The following WDR75 variants were observed in gnomAD, a reference collection of about 807,000 sequenced individuals.
The protein encoded by WDR75 is WD repeat domain 75, also known as WD repeat-containing protein 75.
A neutral mutation model predicts 106.1 loss-of-function variants in WDR75; 52 were observed. The observed-to-expected ratio is 0.49, with a 90% CI of 0.39 to 0.62. WDR75 has a LOEUF of 0.62. Among genes scored for constraint, WDR75 ranks in the 20% least tolerant of loss-of-function variants. WDR75 has a pLI of 0.00. For synonymous variants in WDR75, 333 were observed against 335.5 expected (o/e 0.99, Z 0.08); for missense variants, 905 against 970.3 (o/e 0.93, Z 0.89).
intron 6 of WDR75, among the ~76,000 whole-genome samples, chr2:189,458,497 G>C (rs979000421): frequency 1.3e-5 from 2 of 152,096 alleles, no homozygotes; most frequent in African/African-American, 2.4e-5. Flanking sequence ...AATGTCAGTG[G>C]CTTCCATAGA....
chr2:189,450,844 T>G lies in WDR75; in HGVS notation c.217-59T>G. On this transcript the variant is annotated intron_variant, in intron 2 of 20. Coordinates refer to ENST00000314761, the MANE Select transcript of WDR75 (RefSeq NM_032168.3). ...CCCTGATCAACATTTAATTATTCAT[T>G]TGATATCTTGATGAATTTCTTTTTT... is the stretch of plus-strand genomic sequence containing the variant. The G allele has an allele frequency of 3.8e-6, 6 of 1,595,988 alleles. No homozygotes were observed. The South Asian group carries it at 6.9e-5, about 18-fold the overall frequency.
At position 189,466,690 on chromosome 2, in the gene WDR75, T is replaced by A. The variant is rs929454482; in HGVS notation, c.1447+108T>A. ...GGAGGACATTTTCTACTTTATTGAA[T>A]TCTACAGGATATTGCTTAATCTTAA... On this transcript the variant is annotated intron_variant, in intron 13 of 20. Transcript: ENST00000314761. 243 of 1,108,278 alleles carry A rather than the reference T, an allele frequency of 2.2e-4. 1 individual carries two copies. The highest frequency in any genetic ancestry group is 1.4e-3 in the South Asian group (79 of 58,020). The allele number at this position is 1,108,278 out of a possible 1,614,324, so 68.7% of individuals were successfully genotyped here.
intron 18 of WDR75, among the ~76,000 whole-genome samples, chr2:189,473,721 T>A (rs1219564429): frequency 6.6e-6 from 1 of 152,196 alleles, no homozygotes; most frequent in Non-Finnish European, 1.5e-5. Context: ...TACCAACTCC[T>A]GAGCATTTGC....
At chr2:189,445,375 T>TGTGGTAAGTTCTGTGATG (rs1337986822) in intron 1 of WDR75, among the ~76,000 whole-genome samples, 2 of 152,180 alleles carry the variant, frequency 1.3e-5, no homozygotes, top group African/African-American at 4.8e-5. Flanking sequence ...CTTAATGCCT[T>TGTGGTAAGTTCTGTGATG]GTGGTAAGTT....
Position 189,467,652 on chromosome 2 carries a change from G to A in WDR75, c.1628+4G>A. 2 of 1,587,290 alleles carry A rather than the reference G, an allele frequency of 1.3e-6. No individual in the cohort carries two copies. Among genetic ancestry groups the A allele is most frequent in the Middle Eastern group, 1.7e-4 (1 of 5,874 alleles). ...GCCAACGAGCTGGGAAAATAAGGTAGGTAAATCTTCGGGAAGTATGTAGTA... is the reference window on the plus strand; with the variant it reads ...GCCAACGAGCTGGGAAAATAAGGTAAGTAAATCTTCGGGAAGTATGTAGTA... On this transcript the variant is annotated splice_donor_region_variant and intron_variant, in intron 14 of 20. Transcript: ENST00000314761.
At chr2:189,454,560 C>T (rs1046096160) in intron 4 of WDR75, among the ~76,000 whole-genome samples, 5 of 151,024 alleles carry the variant, frequency 3.3e-5, no homozygotes, top group African/African-American at 7.3e-5. Context: ...CTTGCTCTGT[C>T]GCCCAGGCTG....
intron 11 of WDR75, 200 bp downstream of exon 11, chr2:189,464,161 T>C: frequency 3.5e-6 from 2 of 572,446 alleles, no homozygotes; most frequent in Middle Eastern, 9.2e-4. Flanking sequence ...TGTAAGCCAG[T>C]TGGCACTCCT....
intron 18 of WDR75, among the ~76,000 whole-genome samples, chr2:189,473,669 T>A (rs887654466): frequency 2.4e-4 from 36 of 152,146 alleles, no homozygotes; most frequent in African/African-American, 8.7e-4. Flanking sequence ...CCGTCTGGTT[T>A]GTCTAGTCCC....
At chr2:189,450,602 CCA>C in intron 2 of WDR75, 1 of 1,156,802 alleles carries the variant, frequency 8.6e-7, no homozygotes, top group Non-Finnish European at 1.1e-6. Flanking sequence ...CAGGTGGCAG[CCA>C]CTGCACCTTG....
intron 18 of WDR75, among the ~76,000 whole-genome samples, chr2:189,473,517 C>A (rs1213088460): frequency 6.6e-6 from 1 of 152,106 alleles, no homozygotes; most frequent in Non-Finnish European, 1.5e-5. Context: ...TCTGAGAACC[C>A]CCTACATGAA....
chr2:189,462,334 A>T (rs997166573), intron 8 of WDR75, 150 bp from the exon 9 acceptor site: 7 of 835,690 alleles, frequency 8.4e-6, no homozygotes, highest in Non-Finnish European at 1.2e-5. Context: ...TTGTCTTCAG[A>T]GTATATTAAA....
rs1380710148 is a variant in WDR75 at position 189,464,150 on chromosome 2, A to G, written c.1113+189A>G. 4 of 589,506 alleles carry G rather than the reference A, an allele frequency of 6.8e-6. No individual in the cohort carries two copies. The Admixed American group carries it at 9.7e-5, about 14-fold the overall frequency. The allele number at this position is 589,506 out of a possible 1,614,324, so 36.5% of individuals were successfully genotyped here. A position where few individuals can be genotyped will look rare whatever the true frequency, so the allele number is the denominator to read the frequency against. Reference sequence around the variant, plus strand: ...CATTGAGGCCACAGTTGCAGGTTACATGTAAGCCAGTTGGCACTCCTGTAC... The same window carrying G: ...CATTGAGGCCACAGTTGCAGGTTACGTGTAAGCCAGTTGGCACTCCTGTAC... On this transcript the variant is annotated intron_variant, in intron 11 of 20. Coordinates refer to ENST00000314761, the MANE Select transcript of WDR75 (RefSeq NM_032168.3).
intron 1 of WDR75, among the ~76,000 whole-genome samples, chr2:189,441,780 G>C (rs1347742581): frequency 5.9e-5 from 9 of 152,148 alleles, no homozygotes; most frequent in Admixed American, 5.9e-4. Flanking sequence ...CCCGATTCCT[G>C]GACAGTTTAC....
chr2:189,470,372 T>G, intron 17 of WDR75, 127 bp downstream of exon 17: 1 of 1,002,692 alleles, frequency 1.0e-6, no homozygotes, highest in Non-Finnish European at 1.5e-6. Context: ...CCCAAAAAAT[T>G]GTCTAATATG....
chr2:189,452,472 G>T (rs1002117710), intron 4 of WDR75, among the ~76,000 whole-genome samples: 4 of 151,548 alleles, frequency 2.6e-5, no homozygotes, highest in African/African-American at 4.9e-5. Context: ...TGAGGCAGGA[G>T]AATGGCGTGA....
rs575693179 is a variant in WDR75, at chr2:189,462,725, C to A, written c.937+83C>A. The A allele has an allele frequency of 1.3e-4, 174 of 1,333,902 alleles. No individual in the cohort carries two copies. In the African/African-American group the frequency reaches 2.3e-3, roughly 18 times the overall value. The allele number at this position is 1,333,902 out of a possible 1,614,324, so 82.6% of individuals were successfully genotyped here. On this transcript the variant is annotated intron_variant, in intron 9 of 20. Coordinates refer to ENST00000314761, the MANE Select transcript of WDR75 (RefSeq NM_032168.3). Reference sequence around the variant, plus strand: ...CTGTAGGGAACAGAGAATAAAGAGACCTAAAACTAAGAGTAGCGTATGAGA... The same window carrying A: ...CTGTAGGGAACAGAGAATAAAGAGAACTAAAACTAAGAGTAGCGTATGAGA...
chr2:189,469,535 T>C, intron 16 of WDR75, 96 bp downstream of exon 16: 1 of 1,004,278 alleles, frequency 1.0e-6, no homozygotes, highest in Non-Finnish European at 1.5e-6. Context: ...CATCAGATGT[T>C]AATTGGAAGC....
rs531311300 is a variant in WDR75 at position 189,458,513 on chromosome 2, T to C, written c.570-240T>C. ...ATGTCAGTGGCTTCCATAGATAAAT[T>C]ATTATGGTAGAATATTAGTTACATG... On this transcript the variant is annotated intron_variant, in intron 6 of 20. Coordinates refer to ENST00000314761, the MANE Select transcript of WDR75 (RefSeq NM_032168.3). 1.2e-4 allele frequency among the ~76,000 whole-genome samples: 18 copies of C among 152,304 alleles called. No individual in the cohort carries two copies. In the South Asian group the frequency reaches 3.7e-3, roughly 32 times the overall value.
chr2:189,461,227 G>C (rs1243677340), intron 8 of WDR75, among the ~76,000 whole-genome samples: 1 of 152,140 alleles, frequency 6.6e-6, no homozygotes, highest in Non-Finnish European at 1.5e-5. Flanking sequence ...TTATTTGATG[G>C]AATACTTTTG....
Sources: allele counts gnomAD v4.1 joint callset (sites outside exome capture counted in the v4.1 genomes callset), GRCh38; gene constraint gnomAD v4.1.1; transcripts MANE v1.5; gene names NCBI Gene and HGNC (gene_info 2026-07-23, HGNC 2026-07-21).